Variants in XPNPEP2 observed in about 807,000 individuals in gnomAD.
XPNPEP2 encodes the protein xaa-Pro aminopeptidase 2.
Under a neutral mutation model 59.8 loss-of-function variants are expected in XPNPEP2, and 64 were observed. The observed-to-expected ratio is 1.07, with a 90% CI of 0.87 to 1.32. The LOEUF is 1.32. Ranked by LOEUF, XPNPEP2 falls within the 40% of genes most tolerant of loss-of-function variation. The pLI is 0.00. For missense variants in XPNPEP2, 575 were observed against 546.8 expected (o/e 1.05, Z -0.51); for synonymous variants, 235 against 210.0 (o/e 1.12, Z -1.03).
intron 19 of XPNPEP2, among the ~76,000 whole-genome samples, chrX:129,764,505 A>G (rs983550950): frequency 1.8e-5 from 2 of 109,032 alleles, no homozygotes; most frequent in African/African-American, 6.7e-5. Flanking sequence ...AAAATACAAA[A>G]TTAGCCGGGT....
chrX:129,746,851 T>C, intron 6 of XPNPEP2, 170 bp downstream of exon 6: 1 of 475,967 alleles, frequency 2.1e-6, no homozygotes, highest in Non-Finnish European at 3.7e-6. Flanking sequence ...TATTCATGGA[T>C]TGTGTAATTA....
rs779947333 is a variant in XPNPEP2, at chrX:129,762,749, C to T, written c.1719C>T (p.Leu573=). 12 of 1,211,514 alleles carry T rather than the reference C, an allele frequency of 9.9e-6. No individual in the cohort carries two copies. The highest frequency in any genetic ancestry group is 1.0e-5 in the Non-Finnish European group (9 of 895,285). Residue 573 remains leucine (L), a synonymous_variant, in exon 19 of 21, where the codon CTC becomes CTT. Transcript: ENST00000371106. ...GGATCCGTCTCGAAGATGTGGCTCT[C>T]GTGGTAGAAGCAAAGACCAAGGTAA... ...EFGIRLEDVA[L]VVEAKTKYPG...
chrX:129,759,118 A>T, intron 14 of XPNPEP2, 62 bp from the exon 15 acceptor site: 2 of 1,190,407 alleles, frequency 1.7e-6, no homozygotes, highest in Non-Finnish European at 2.3e-6. Context: ...AAGCACACAG[A>T]AAGCACATGG....
chrX:129,763,319 T>G (rs1272954526), intron 19 of XPNPEP2, among the ~76,000 whole-genome samples: 3 of 112,312 alleles, frequency 2.7e-5, no homozygotes, highest in Non-Finnish European at 3.8e-5. Context: ...CACAAAATGA[T>G]AGTAAAGTTT....
chrX:129,753,397 C>T, intron 11 of XPNPEP2, 149 bp downstream of exon 11: 1 of 510,487 alleles, frequency 2.0e-6, no homozygotes, highest in Non-Finnish European at 3.3e-6. Context: ...AATCCTAGCA[C>T]TTTGGGAGGC....
In XPNPEP2 at chrX:129,754,452, C is replaced by T. The variant is rs1926478430; in HGVS notation, c.1108-20C>T. ...CAGACCTCACCCGGCTCCTCTGTTTCCCTGCTTCCCCAACTCCAGGTGCGG... is the reference window on the plus strand; with the variant it reads ...CAGACCTCACCCGGCTCCTCTGTTTTCCTGCTTCCCCAACTCCAGGTGCGG... On this transcript the variant is annotated intron_variant, in intron 11 of 20. Coordinates refer to ENST00000371106, the MANE Select transcript of XPNPEP2 (RefSeq NM_003399.6). The T allele has an allele frequency of 7.8e-6, 9 of 1,159,556 alleles. No homozygotes were observed. The highest frequency in any genetic ancestry group is 1.0e-5 in the Non-Finnish European group (9 of 869,602).
chrX:129,740,551 C>T (rs1367410371), intron 1 of XPNPEP2, among the ~76,000 whole-genome samples: 1 of 109,963 alleles, frequency 9.1e-6, no homozygotes, highest in Non-Finnish European at 1.9e-5. Context: ...ATCGCTTGAA[C>T]TCAGGAGGCA....
At chrX:129,765,791 C>T (rs1926742001) in intron 19 of XPNPEP2, among the ~76,000 whole-genome samples, 1 of 110,011 alleles carries the variant, frequency 9.1e-6, no homozygotes, top group South Asian at 3.9e-4. Context: ...GCACACACCA[C>T]CACGACTGGC....
At position 129,768,698 on chromosome X, in the gene XPNPEP2, G is replaced by A. The variant is rs956143604; in HGVS notation, c.*213G>A. 9.2e-6 allele frequency: 3 copies of A among 327,318 alleles called. No homozygotes were observed. The highest frequency in any genetic ancestry group is 1.6e-5 in the Non-Finnish European group (3 of 191,862). 27.0% of individuals were successfully genotyped at this position (327,318 alleles called of 1,213,427 possible). ...CCCAGATGGCACCTCCCTGCACCCCGGGGTTGTATACCACACCCTGGGCCC... is the reference window on the plus strand; with the variant it reads ...CCCAGATGGCACCTCCCTGCACCCCAGGGTTGTATACCACACCCTGGGCCC... On this transcript the variant is annotated 3_prime_UTR_variant, in exon 21 of 21. Coordinates refer to ENST00000371106, the MANE Select transcript of XPNPEP2 (RefSeq NM_003399.6).
intron 14 of XPNPEP2, among the ~76,000 whole-genome samples, chrX:129,757,849 AAGAAAG>A (rs1926564219): frequency 1.2e-5 from 1 of 84,216 alleles, no homozygotes; most frequent in Non-Finnish European, 2.2e-5. Context: ...GAAAGAAAGA[AAGAAAG>A]AAAGAGGGAG....
Position 129,747,873 on chromosome X carries a change from T to A in XPNPEP2, c.637+120T>A, listed in dbSNP as rs779586929. On this transcript the variant is annotated intron_variant, in intron 7 of 20. Coordinates refer to ENST00000371106, the MANE Select transcript of XPNPEP2 (RefSeq NM_003399.6). The stretch of plus-strand genomic sequence containing the variant: ...AAGCAGTGGTTTGCAAACCTTAGCA[T>A]GCACCTGAGTCACCTGGGATGCTTG... The A allele has an allele frequency of 3.0e-6, 3 of 1,015,660 alleles. No individual in the cohort carries two copies. The South Asian group carries it at 5.8e-5, about 20-fold the overall frequency. The allele number at this position is 1,015,660 out of a possible 1,213,427, so 83.7% of individuals were successfully genotyped here.
intron 8 of XPNPEP2, among the ~76,000 whole-genome samples, chrX:129,751,538 GAAA>G (rs1264679882): frequency 8.7e-5 from 2 of 23,056 alleles, no homozygotes; most frequent in Non-Finnish European, 1.7e-4. Flanking sequence ...AAGAAAGGAA[GAAA>G]GAAAGAAAGA....
chrX:129,751,937 G>A (rs757446691), intron 9 of XPNPEP2, 111 bp downstream of exon 9: 28 of 868,066 alleles, frequency 3.2e-5, no homozygotes, highest in African/African-American at 8.0e-5. Context: ...CCATCAGCTC[G>A]GCGCCTGCTG....
In XPNPEP2 at chrX:129,739,265, A is replaced by G. The variant is rs775027558; in HGVS notation, c.49+3A>G. ...CCCCTGGCTGGTCCTCCTCTGTGGT[A>G]TGTGCATCCTAGCTTCCACTGGAAG... On this transcript the variant is annotated splice_donor_region_variant and intron_variant, in intron 1 of 20. Transcript: ENST00000371106. 4 of 1,208,425 alleles carry G rather than the reference A, an allele frequency of 3.3e-6. No individual in the cohort carries two copies. The highest frequency in any genetic ancestry group is 3.0e-5 in the East Asian group (1 of 33,818).
chrX:129,758,147 C>T (rs1426174874), intron 14 of XPNPEP2, among the ~76,000 whole-genome samples: 1 of 111,337 alleles, frequency 9.0e-6, no homozygotes, highest in East Asian at 2.8e-4. Context: ...GTGGAAATGG[C>T]GAATGTGCTA....
At chrX:129,764,719 T>G (rs1197124124) in intron 19 of XPNPEP2, among the ~76,000 whole-genome samples, 2 of 108,909 alleles carry the variant, frequency 1.8e-5, no homozygotes, top group South Asian at 7.8e-4. Context: ...ATCCCAACAC[T>G]TTGGGAGGCA....
In XPNPEP2 at chrX:129,751,972, C is replaced by A; in HGVS notation, c.821+146C>A. On this transcript the variant is annotated intron_variant, in intron 9 of 20. Coordinates refer to ENST00000371106, the MANE Select transcript of XPNPEP2 (RefSeq NM_003399.6). ...GCAGCACGACCCTTTAGAAAACCCC[C>A]TGTTGTCTTTTCCTGACTCTTTAAA... The A allele has an allele frequency of 3.7e-6, 3 of 810,847 alleles. No homozygotes were observed. The South Asian group carries it at 7.2e-5, about 19-fold the overall frequency. The allele number at this position is 810,847 out of a possible 1,213,427, so 66.8% of individuals were successfully genotyped here.
rs191254598 is a variant in XPNPEP2, at chrX:129,754,684, C to T, written c.1217+103C>T. The T allele has an allele frequency of 7.9e-4, 621 of 785,473 alleles. 5 individuals carry two copies. The African/African-American group carries it at 0.01, about 13-fold the overall frequency. 64.7% of individuals were successfully genotyped at this position (785,473 alleles called of 1,213,427 possible). A position where few individuals can be genotyped will look rare whatever the true frequency, so the allele number is the denominator to read the frequency against. Reference sequence around the variant, plus strand: ...CTTACTTAGCAGAAAGGAAGATCCTCCTCATATGCGTGCTGGGTGGGGGAG... The same window carrying T: ...CTTACTTAGCAGAAAGGAAGATCCTTCTCATATGCGTGCTGGGTGGGGGAG... On this transcript the variant is annotated intron_variant, in intron 12 of 20. Transcript: ENST00000371106.
chrX:129,742,640 G>A (rs1001662030), intron 2 of XPNPEP2, among the ~76,000 whole-genome samples: 3 of 110,579 alleles, frequency 2.7e-5, no homozygotes, highest in Non-Finnish European at 5.7e-5. Context: ...GGTGGCTGAC[G>A]CCTGTAATCC....
Sources: gnomAD v4.1 joint callset for allele counts (sites outside exome capture counted in the v4.1 genomes callset) on GRCh38, gnomAD v4.1.1 for gene constraint, MANE v1.5 for transcripts, NCBI Gene and HGNC (gene_info 2026-07-23, HGNC 2026-07-21) for gene names.